RNF213: variants seen among roughly 807,000 people sequenced by gnomAD.
The protein encoded by RNF213 is E3 ubiquitin-protein ligase RNF213.
In RNF213, 341 loss-of-function variants were observed where a neutral mutation model predicts 514.4. The observed-to-expected ratio is 0.66, with a 90% CI of 0.61 to 0.73. The LOEUF (loss-of-function observed/expected upper bound fraction) is 0.73, where lower values mean the gene tolerates loss of function less well. RNF213 is among the 30% of genes least tolerant of loss of function. The pLI, the probability that RNF213 is intolerant of heterozygous loss-of-function variation, is 0.00. For missense variants in RNF213, 5,767 were observed against 6,615.6 expected (o/e 0.87, Z 4.45); for synonymous variants, 2,655 against 2,658.2 (o/e 1.00, Z 0.04).
intron 3 of RNF213, among the ~76,000 whole-genome samples, chr17:80,280,403 C>T (rs1482089720): frequency 6.6e-6 from 1 of 152,102 alleles, no homozygotes; most frequent in Non-Finnish European, 1.5e-5. Context: ...GGGAACTTAA[C>T]CAACTAATTA....
In RNF213 at chr17:80,290,452, C is replaced by T. The variant is rs113957515; in HGVS notation, c.1113-118C>T. On this transcript the variant is annotated intron_variant, in intron 6 of 67. Coordinates refer to ENST00000582970, the MANE Select transcript of RNF213 (RefSeq NM_001256071.3). ...GTGCGCGTGTGTGCATGTGTGTGTGCGAGTGCATGTGTGTGTGCACGTGTG... is the reference window on the plus strand; with the variant it reads ...GTGCGCGTGTGTGCATGTGTGTGTGTGAGTGCATGTGTGTGTGCACGTGTG... The T allele has an allele frequency of 3.4e-3, 4,136 of 1,211,726 alleles. 13 individuals carry two copies. Among genetic ancestry groups the T allele is most frequent in the Non-Finnish European group, 4.5e-3 (3,750 of 833,114 alleles). The allele number at this position is 1,211,726 out of a possible 1,614,324, so 75.1% of individuals were successfully genotyped here. A position where few individuals can be genotyped will look rare whatever the true frequency, so the allele number is the denominator to read the frequency against.
Position 80,339,794 on chromosome 17 carries a change from G to A in RNF213, c.5427G>A (p.Leu1809=). The change falls in exon 26 of 68, where the codon CTG becomes CTA. Residue 1809 remains leucine (L), a synonymous_variant. Coordinates refer to ENST00000582970, the MANE Select transcript of RNF213 (RefSeq NM_001256071.3). ...CCCTTGGCCACTGTCTGGCTCACCTGGCAGGGATGGGTGGGTCTCCCGTGG... is the reference window on the plus strand; with the variant it reads ...CCCTTGGCCACTGTCTGGCTCACCTAGCAGGGATGGGTGGGTCTCCCGTGG... ...LETLGHCLAH[L]AGMGGSPVER... 6.5e-7 allele frequency: 1 copy of A among 1,534,748 alleles called. No homozygotes were observed. Among genetic ancestry groups the A allele is most frequent in the Non-Finnish European group, 8.7e-7 (1 of 1,144,944 alleles).
At chr17:80,268,367 AAAAAAAAAAAAAG>A (rs1266088858) in intron 2 of RNF213, among the ~76,000 whole-genome samples, 9 of 145,254 alleles carry the variant, frequency 6.2e-5, no homozygotes, top group Middle Eastern at 3.5e-3. Context: ...AAAAAAAAAA[AAAAAAAAAAAAAG>A]GCAGTACTGC....
At chr17:80,352,897 G>T in intron 32 of RNF213, 43 bp from the exon 33 acceptor site, 1 of 1,613,490 alleles carries the variant, frequency 6.2e-7, no homozygotes, top group Non-Finnish European at 8.5e-7. Flanking sequence ...GCAGCAGCCG[G>T]GAAAGACACA....
chr17:80,328,588 A>ATT, intron 20 of RNF213, 111 bp downstream of exon 20: 3 of 1,098,854 alleles, frequency 2.7e-6, no homozygotes, highest in South Asian at 4.2e-5. Context: ...AGGCTTTAAA[A>ATT]TTTTTTTTTT....
chr17:80,293,135 A>G lies in RNF213; in HGVS notation c.1471+1308A>G, dbSNP rs979219834. On this transcript the variant is annotated intron_variant, in intron 8 of 67. Coordinates refer to ENST00000582970, the MANE Select transcript of RNF213 (RefSeq NM_001256071.3). The stretch of plus-strand genomic sequence containing the variant: ...TGCAGTGGCACGATCTCGGCTCACT[A>G]CAGCCTCAACCACCAGGGCTCAGCT... Among the ~76,000 whole-genome samples the G allele has an allele frequency of 5.9e-5, 9 of 151,850 alleles. No individual in the cohort carries two copies. In the East Asian group the frequency reaches 1.4e-3, roughly 23 times the overall value.
chr17:80,387,027 C>A, intron 63 of RNF213, 136 bp downstream of exon 63: 1 of 859,758 alleles, frequency 1.2e-6, no homozygotes, highest in Non-Finnish European at 1.9e-6. Flanking sequence ...ACACCTGCAG[C>A]TCCCGAGGCC....
At chr17:80,265,049 T>TTG (rs2043565756) in intron 2 of RNF213, among the ~76,000 whole-genome samples, 3 of 151,030 alleles carry the variant, frequency 2.0e-5, no homozygotes, top group African/African-American at 4.9e-5. Context: ...TGTTTGTTTT[T>TTG]TTTTTTTTTT....
At chr17:80,267,425 G>A (rs912137729) in intron 2 of RNF213, among the ~76,000 whole-genome samples, 1 of 152,104 alleles carries the variant, frequency 6.6e-6, no homozygotes, top group Non-Finnish European at 1.5e-5. Context: ...CCTGGCGACA[G>A]AGCGAGACTC....
At chr17:80,370,513 C>T (rs992421423) in intron 46 of RNF213, among the ~76,000 whole-genome samples, 17 of 152,110 alleles carry the variant, frequency 1.1e-4, no homozygotes, top group African/African-American at 3.6e-4. Context: ...ACTGCTGGCC[C>T]CTCACGTGAA....
chr17:80,337,801 A>G (rs760048325), intron 24 of RNF213, 32 bp from the exon 25 acceptor site: 2 of 1,536,430 alleles, frequency 1.3e-6, no homozygotes, highest in South Asian at 2.4e-5. Flanking sequence ...TCTGGCCCCA[A>G]GAAAGTGACT....
In RNF213 at chr17:80,380,933, T is replaced by G. The variant is rs144882669; in HGVS notation, c.13743T>G (p.Leu4581=). The G allele has an allele frequency of 6.2e-7, 1 of 1,614,176 alleles. No individual in the cohort carries two copies. Among genetic ancestry groups the G allele is most frequent in the Non-Finnish European group, 8.5e-7 (1 of 1,180,024 alleles). ...GGCTGCCCCCAGTGGTCTTCCTCCT[T>G]ATCCGGCTACTCACTCACTTGGCTC... ...DRGLPPVVFL[L]IRLLTHLALL... Residue 4581 remains leucine, a synonymous_variant, in exon 56 of 68, where the codon CTT becomes CTG. Coordinates refer to ENST00000582970, the MANE Select transcript of RNF213 (RefSeq NM_001256071.3).
chr17:80,381,873 G>GA, intron 57 of RNF213, 146 bp downstream of exon 57: 1 of 820,272 alleles, frequency 1.2e-6, no homozygotes, highest in Non-Finnish European at 2.0e-6. Flanking sequence ...CACACAGAGA[G>GA]AAAACCGTGT....
intron 13 of RNF213, among the ~76,000 whole-genome samples, chr17:80,308,760 A>G (rs933743513): frequency 2.6e-5 from 4 of 152,162 alleles, no homozygotes; most frequent in African/African-American, 9.7e-5. Flanking sequence ...CACATCTTGG[A>G]ACGCACTGAG....
intron 11 of RNF213, among the ~76,000 whole-genome samples, chr17:80,303,888 A>G (rs1001747529): frequency 6.6e-6 from 1 of 150,666 alleles, no homozygotes; most frequent in African/African-American, 2.4e-5. Context: ...GTTGGGAACC[A>G]ATTCTAATTA....
intron 14 of RNF213, among the ~76,000 whole-genome samples, chr17:80,312,282 G>A (rs558361856): frequency 1.3e-5 from 2 of 152,300 alleles, no homozygotes; most frequent in South Asian, 2.1e-4. Context: ...GAAGGAGAGG[G>A]AGGAAGAGGA....
At position 80,307,169 on chromosome 17, in the gene RNF213, G is replaced by T. The variant is rs2143586498; in HGVS notation, c.2469G>T (p.Met823Ile). 1 of 1,613,782 alleles carries T rather than the reference G, an allele frequency of 6.2e-7. No individual in the cohort carries two copies. Among genetic ancestry groups the T allele is most frequent in the East Asian group, 2.2e-5 (1 of 44,858 alleles). The change falls in exon 13 of 68, where the codon ATG becomes ATT. Residue 823 changes from methionine (M) to isoleucine (I), a missense_variant. Met to Ile is a conservative substitution (Grantham distance 10, BLOSUM62 1). Transcript: ENST00000582970. ...AGAACGTTCAGAACATTTTAGAAAT[G>T]CTGTTGCGACTCCTGGACACTTACC... is the stretch of plus-strand genomic sequence containing the variant. ...DVQNVQNILEMLLRLLDTYRD... is the reference protein window; with the variant it reads ...DVQNVQNILEILLRLLDTYRD...
At chr17:80,331,668 C>T (rs189028293) in intron 20 of RNF213, among the ~76,000 whole-genome samples, 2 of 152,332 alleles carry the variant, frequency 1.3e-5, no homozygotes, top group Admixed American at 6.5e-5. Context: ...GGTGGGATTA[C>T]AGGCATGAGC....
rs8067782 is a variant in RNF213 at position 80,300,794 on chromosome 17, C to T, written c.2210+2276C>T. Among the ~76,000 whole-genome samples, 469 of 152,222 alleles carry T rather than the reference C, an allele frequency of 3.1e-3. 1 individual carries two copies. The highest frequency in any genetic ancestry group is 0.01 in the African/African-American group (433 of 41,522). ...CTCAAACCCCAGACCTCAAGTGATC[C>T]GCCCACCTTGGCCTCCCAAAGTGCT... On this transcript the variant is annotated intron_variant, in intron 11 of 67. Transcript: ENST00000582970.
Sources: allele counts gnomAD v4.1 joint callset (sites outside exome capture counted in the v4.1 genomes callset), GRCh38; gene constraint gnomAD v4.1.1; transcripts MANE v1.5; gene names NCBI Gene and HGNC (gene_info 2026-07-23, HGNC 2026-07-21).